The following STXBP5L variants were observed in gnomAD, a reference collection of about 807,000 sequenced individuals.
STXBP5L encodes syntaxin-binding protein 5-like.
Under a neutral mutation model 144.5 loss-of-function variants are expected in STXBP5L, and 65 were observed. That is an observed-to-expected ratio of 0.45 (90% confidence interval 0.37 to 0.55). STXBP5L has a LOEUF of 0.55. Among genes scored for constraint, STXBP5L ranks in the 20% least tolerant of loss-of-function variants. The pLI is 0.00. For synonymous variants in STXBP5L, 505 were observed against 469.6 expected (o/e 1.08, Z -0.97); for missense variants, 1,298 against 1,405.5 (o/e 0.92, Z 1.22).
intron 25 of STXBP5L, among the ~76,000 whole-genome samples, chr3:121,417,569 G>C (rs544960228): frequency 1.3e-5 from 2 of 152,226 alleles, no homozygotes; most frequent in African/African-American, 4.8e-5. Context: ...TGGTTCAAGA[G>C]ATTCTCGTGC....
chr3:121,377,189 C>T (rs1449055442), intron 20 of STXBP5L, among the ~76,000 whole-genome samples: 2 of 152,176 alleles, frequency 1.3e-5, no homozygotes, highest in East Asian at 3.8e-4. Flanking sequence ...GACAATTTGG[C>T]TTTCTCTTTT....
At chr3:121,372,190 G>T (rs1247733984) in intron 20 of STXBP5L, among the ~76,000 whole-genome samples, 16 of 152,112 alleles carry the variant, frequency 1.1e-4, no homozygotes, top group Non-Finnish European at 2.2e-4. Flanking sequence ...GGTACCTAGG[G>T]GCTGCACTAC....
chr3:121,128,798 T>C (rs1054806205), intron 7 of STXBP5L, among the ~76,000 whole-genome samples: 2 of 152,024 alleles, frequency 1.3e-5, no homozygotes, highest in Non-Finnish European at 2.9e-5. Flanking sequence ...TTTTTGACAG[T>C]CACCATCAAA....
At chr3:121,189,050 C>T (rs2047522665) in intron 9 of STXBP5L, among the ~76,000 whole-genome samples, 2 of 152,172 alleles carry the variant, frequency 1.3e-5, no homozygotes, top group East Asian at 1.9e-4. Flanking sequence ...GAATTTTATA[C>T]TTAGAAAACC....
At chr3:121,391,258 A>G (rs2046576689) in intron 22 of STXBP5L, among the ~76,000 whole-genome samples, 1 of 152,072 alleles carries the variant, frequency 6.6e-6, no homozygotes, top group Non-Finnish European at 1.5e-5. Context: ...GGTCTTCTCT[A>G]CACTGTTTAT....
At chr3:121,197,989 A>G (rs995271870) in intron 9 of STXBP5L, among the ~76,000 whole-genome samples, 2 of 152,272 alleles carry the variant, frequency 1.3e-5, no homozygotes, top group African/African-American at 2.4e-5. Flanking sequence ...AGAATTATTT[A>G]TAATCCTTTG....
At chr3:121,055,847 A>T (rs964170870) in intron 5 of STXBP5L, among the ~76,000 whole-genome samples, 3 of 147,742 alleles carry the variant, frequency 2.0e-5, no homozygotes, top group African/African-American at 7.6e-5. Flanking sequence ...ATGATGCCTG[A>T]CTAATGTTAA....
intron 9 of STXBP5L, among the ~76,000 whole-genome samples, chr3:121,175,798 A>T (rs1577120098): frequency 6.6e-6 from 1 of 152,012 alleles, no homozygotes; most frequent in East Asian, 1.9e-4. Context: ...AGCAAGACTC[A>T]ACTACATGTT....
rs1351641999 is a variant in STXBP5L at position 121,157,484 on chromosome 3, TTTAA to T, written c.754-17_754-14del. ...TCTACTTTTTTCCCCCTCTACTTGT[TTTAA>T]TTGTTATTTTATTAGGCTATTCATT... On this transcript the variant is annotated splice_polypyrimidine_tract_variant and intron_variant, in intron 8 of 26. Coordinates refer to ENST00000471454, the MANE Select transcript of STXBP5L (RefSeq NM_001308330.2). 1 of 1,556,434 alleles carries T rather than the reference TTTAA, an allele frequency of 6.4e-7. No individual in the cohort carries two copies. Among genetic ancestry groups the T allele is most frequent in the Admixed American group, 2.2e-5 (1 of 45,328 alleles).
chr3:121,136,076 C>T (rs1307310230), intron 7 of STXBP5L, among the ~76,000 whole-genome samples: 2 of 152,140 alleles, frequency 1.3e-5, no homozygotes, highest in Admixed American at 6.5e-5. Flanking sequence ...ATAGCTGCTG[C>T]GGGCCTTAGG....
At chr3:121,024,255 A>G (rs1053853965) in intron 3 of STXBP5L, among the ~76,000 whole-genome samples, 3 of 152,158 alleles carry the variant, frequency 2.0e-5, no homozygotes, top group Admixed American at 1.3e-4. Context: ...ACATTGGTAA[A>G]ATTTCTGAAC....
chr3:121,369,656 C>T (rs1033196888), intron 20 of STXBP5L, among the ~76,000 whole-genome samples: 1 of 152,044 alleles, frequency 6.6e-6, no homozygotes, highest in African/African-American at 2.4e-5. Context: ...AAGCCTTTCA[C>T]CAGGCAATTC....
intron 19 of STXBP5L, among the ~76,000 whole-genome samples, chr3:121,286,150 G>A (rs942102251): frequency 1.3e-5 from 2 of 152,044 alleles, no homozygotes; most frequent in Non-Finnish European, 1.5e-5. Context: ...ATGCAACAAG[G>A]GATCCTTTGG....
chr3:120,912,321 CT>C (rs1223135764), intron 2 of STXBP5L, among the ~76,000 whole-genome samples: 5 of 151,892 alleles, frequency 3.3e-5, no homozygotes, highest in African/African-American at 1.2e-4. Context: ...AGCAATGATG[CT>C]CTTAAAATGA....
intron 3 of STXBP5L, among the ~76,000 whole-genome samples, chr3:121,006,315 T>A (rs946758424): frequency 2.8e-4 from 43 of 152,282 alleles, no homozygotes; most frequent in African/African-American, 1.0e-3. Context: ...AATGGCCTTC[T>A]TTGTCTCTTT....
intron 8 of STXBP5L, 59 bp downstream of exon 8, chr3:121,152,619 C>G: frequency 7.8e-7 from 1 of 1,288,042 alleles, no homozygotes; most frequent in Non-Finnish European, 1.1e-6. Flanking sequence ...CTGTTTACTA[C>G]TTTTAAGCTT....
At chr3:121,363,927 A>G (rs2045789988) in intron 20 of STXBP5L, among the ~76,000 whole-genome samples, 1 of 152,124 alleles carries the variant, frequency 6.6e-6, no homozygotes, top group Admixed American at 6.6e-5. Context: ...TATATTCCAG[A>G]TAATAATAGT....
intron 3 of STXBP5L, among the ~76,000 whole-genome samples, chr3:121,027,842 A>T (rs1946064710): frequency 6.6e-6 from 1 of 152,078 alleles, no homozygotes; most frequent in African/African-American, 2.4e-5. Context: ...CTGGTGCATT[A>T]TTCTACCTAC....
intron 20 of STXBP5L, among the ~76,000 whole-genome samples, chr3:121,344,681 T>G (rs2044878673): frequency 6.6e-6 from 1 of 152,042 alleles, no homozygotes; most frequent in Admixed American, 6.6e-5. Context: ...GAGGTTAAAG[T>G]ACCCAATAAA....
Sources: allele counts gnomAD v4.1 joint callset (sites outside exome capture counted in the v4.1 genomes callset), GRCh38; gene constraint gnomAD v4.1.1; transcripts MANE v1.5; gene names NCBI Gene and HGNC (gene_info 2026-07-23, HGNC 2026-07-21).